Variants in AJAP1 observed in about 807,000 individuals in gnomAD.
AJAP1 encodes the protein adherens junction-associated protein 1.
A neutral mutation model predicts 35.0 loss-of-function variants in AJAP1; 5 were observed. The observed-to-expected ratio is 0.14, with a 90% CI of 0.07 to 0.30. The LOEUF is 0.30. Among genes scored for constraint, AJAP1 ranks in the 10% least tolerant of loss-of-function variants. The pLI, the probability that AJAP1 is intolerant of heterozygous loss-of-function variation, is 1.00. For missense variants in AJAP1, 586 were observed against 571.0 expected, an observed-to-expected ratio of 1.03 and a Z score of -0.27; for synonymous variants, 284 against 249.3, an observed-to-expected ratio of 1.14 and a Z score of -1.31.
At chr1:4,679,374 T>G (rs773346924) in intron 1 of AJAP1, among the ~76,000 whole-genome samples, 1 of 151,636 alleles carries the variant, frequency 6.6e-6, no homozygotes, top group Non-Finnish European at 1.5e-5. Flanking sequence ...AGGAGAAATA[T>G]CTGAGTGATG....
chr1:4,707,443 A>G (rs1303002974), intron 1 of AJAP1, among the ~76,000 whole-genome samples: 1 of 151,930 alleles, frequency 6.6e-6, no homozygotes, highest in African/African-American at 2.4e-5. Flanking sequence ...GCCTTGGGCA[A>G]TTGCTCATCT....
chr1:4,722,321 C>A (rs558831913), intron 2 of AJAP1, among the ~76,000 whole-genome samples: 1 of 152,296 alleles, frequency 6.6e-6, no homozygotes, highest in African/African-American at 2.4e-5. Context: ...AGCGCAGAGG[C>A]GATCCGTGGT....
chr1:4,771,285 G>T (rs914559850), intron 3 of AJAP1, among the ~76,000 whole-genome samples: 1 of 152,198 alleles, frequency 6.6e-6, no homozygotes, highest in African/African-American at 2.4e-5. Flanking sequence ...TCTGACCTTG[G>T]TGTATGGGGT....
chr1:4,753,094 C>T (rs1296335531), intron 2 of AJAP1, among the ~76,000 whole-genome samples: 5 of 152,154 alleles, frequency 3.3e-5, no homozygotes, highest in South Asian at 4.1e-4. Context: ...TCTTTTACGG[C>T]GTTTTATATC....
intron 1 of AJAP1, among the ~76,000 whole-genome samples, chr1:4,672,737 A>G (rs1639276555): frequency 6.6e-6 from 1 of 152,194 alleles, no homozygotes; most frequent in Admixed American, 6.5e-5. Flanking sequence ...CAGAGCTGTG[A>G]GCAGGATGTG....
chr1:4,779,398 C>G (rs12128381), intron 5 of AJAP1, among the ~76,000 whole-genome samples: 1 of 150,366 alleles, frequency 6.7e-6, no homozygotes, highest in African/African-American at 2.5e-5. Context: ...TGCAGTGGCT[C>G]GATCTCAGCT....
intron 2 of AJAP1, among the ~76,000 whole-genome samples, chr1:4,730,973 C>G (rs1640783678): frequency 6.6e-6 from 1 of 152,212 alleles, no homozygotes; most frequent in African/African-American, 2.4e-5. Context: ...GTAAACTCGA[C>G]TCCTTGACTT....
At chr1:4,767,997 G>A (rs1641728051) in intron 2 of AJAP1, among the ~76,000 whole-genome samples, 1 of 152,236 alleles carries the variant, frequency 6.6e-6, no homozygotes, top group African/African-American at 2.4e-5. Context: ...ACACTCCATT[G>A]TTGGTGGGAT....
At chr1:4,778,124 C>T (rs1468053841) in intron 5 of AJAP1, among the ~76,000 whole-genome samples, 1 of 152,218 alleles carries the variant, frequency 6.6e-6, no homozygotes, top group Non-Finnish European at 1.5e-5. Flanking sequence ...GCATGCAGCC[C>T]AGTGGGGCCA....
At chr1:4,770,747 A>G (rs964453919) in intron 3 of AJAP1, among the ~76,000 whole-genome samples, 16 of 152,220 alleles carry the variant, frequency 1.1e-4, no homozygotes, top group Admixed American at 2.0e-4. Context: ...TCACAGGGGA[A>G]CACAAGAAAG....
rs538527668 is a variant in AJAP1, at chr1:4,692,855, A to G, written c.30-19045A>G. Among the ~76,000 whole-genome samples the G allele has an allele frequency of 6.6e-6, 1 of 152,112 alleles. No individual in the cohort carries two copies. Among genetic ancestry groups the G allele is most frequent in the South Asian group, 2.1e-4 (1 of 4,816 alleles). ...GCCCACGAACAGGCATTAAGTGCAC[A>G]TTTTTCCAAGCTCAGCCCTGTGCTC... On this transcript the variant is annotated intron_variant, in intron 1 of 5. Coordinates refer to ENST00000378191, the MANE Select transcript of AJAP1 (RefSeq NM_018836.4). This position sits in a 1 kb window ranked among gnomAD's most constrained non-coding sequence, Gnocchi z 4.4.
In AJAP1 at chr1:4,697,919, C is replaced by G. The variant is rs151020324; in HGVS notation, c.30-13981C>G. Reference sequence around the variant, plus strand: ...GGAGAAGCAAGAGCCAAGGGGACCGCTAAGTCCGCGTTCTGTGCTCTTTTC... The same window carrying G: ...GGAGAAGCAAGAGCCAAGGGGACCGGTAAGTCCGCGTTCTGTGCTCTTTTC... On this transcript the variant is annotated intron_variant, in intron 1 of 5. Coordinates refer to ENST00000378191, the MANE Select transcript of AJAP1 (RefSeq NM_018836.4). 6.6e-3 allele frequency among the ~76,000 whole-genome samples: 1,003 copies of G among 152,356 alleles called. 11 individuals carry two copies. Among genetic ancestry groups the G allele is most frequent in the African/African-American group, 0.023 (944 of 41,590 alleles).
Position 4,790,114 on chromosome 1 carries a change from G to A in AJAP1, c.*7629G>A, listed in dbSNP as rs1349289762. Reference sequence around the variant, plus strand: ...AGAAGGGAGAAAGGGCTTTGCTGAAGTCTCAGGCTGCCGAGAGCCATGTAT... The same window carrying A: ...AGAAGGGAGAAAGGGCTTTGCTGAAATCTCAGGCTGCCGAGAGCCATGTAT... On this transcript the variant is annotated 3_prime_UTR_variant, in exon 6 of 6. Transcript: ENST00000378191. 6.6e-6 allele frequency: 1 copy of A among 152,258 alleles called. No homozygotes were observed. Among genetic ancestry groups the A allele is most frequent in the Admixed American group, 6.5e-5 (1 of 15,290 alleles). 9.4% of individuals were successfully genotyped at this position (152,258 alleles called of 1,614,324 possible). A position where few individuals can be genotyped will look rare whatever the true frequency, so the allele number is the denominator to read the frequency against.
rs750828097 is a variant in AJAP1 at position 4,712,326 on chromosome 1, G to C, written c.456G>C (p.Leu152=). 15 of 1,492,706 alleles carry C rather than the reference G, an allele frequency of 1.0e-5. No individual in the cohort carries two copies. The highest frequency in any genetic ancestry group is 1.2e-5 in the Non-Finnish European group (13 of 1,120,132). The allele number at this position is 1,492,706 out of a possible 1,614,324, so 92.5% of individuals were successfully genotyped here. A position where few individuals can be genotyped will look rare whatever the true frequency, so the allele number is the denominator to read the frequency against. Residue 152 remains leucine (L), a synonymous_variant, in exon 2 of 6, where the codon CTG becomes CTC. Transcript: ENST00000378191. Reference sequence around the variant, plus strand: ...GGGCCCCGGAGCAGCAGGCCCTCCTGAGGAGGGGCAAGAGGCACCTGCAGG... The same window carrying C: ...GGGCCCCGGAGCAGCAGGCCCTCCTCAGGAGGGGCAAGAGGCACCTGCAGG... ...AGGAPEQQAL[L]RRGKRHLQGD...
At chr1:4,729,916 T>G (rs1216589734) in intron 2 of AJAP1, among the ~76,000 whole-genome samples, 1 of 152,214 alleles carries the variant, frequency 6.6e-6, no homozygotes, top group African/African-American at 2.4e-5. Flanking sequence ...CTCAGGCACT[T>G]GCGTGAGGAC....
chr1:4,744,466 C>T (rs1472623345), intron 2 of AJAP1, among the ~76,000 whole-genome samples: 1 of 152,132 alleles, frequency 6.6e-6, no homozygotes, highest in East Asian at 1.9e-4. Flanking sequence ...AGGATGTGGG[C>T]CTGGCTGGGC....
chr1:4,776,244 G>A (rs1641937901), intron 5 of AJAP1, among the ~76,000 whole-genome samples: 1 of 152,132 alleles, frequency 6.6e-6, no homozygotes, highest in South Asian at 2.1e-4. Flanking sequence ...CGAGGCAGTG[G>A]GAGGTTAAAT....
At chr1:4,757,694 A>G (rs1392033725) in intron 2 of AJAP1, among the ~76,000 whole-genome samples, 1 of 152,082 alleles carries the variant, frequency 6.6e-6, no homozygotes, top group Non-Finnish European at 1.5e-5. Context: ...TGTCCTCATC[A>G]CCCTGGTTTG....
At chr1:4,679,000 A>AGCAT (rs1343268436) in intron 1 of AJAP1, among the ~76,000 whole-genome samples, 1 of 152,236 alleles carries the variant, frequency 6.6e-6, no homozygotes, top group East Asian at 1.9e-4. Context: ...AAGGCTACAT[A>AGCAT]GCATGCATTC....
Sources: allele counts gnomAD v4.1 joint callset (sites outside exome capture counted in the v4.1 genomes callset), GRCh38; gene constraint gnomAD v4.1.1; non-coding constraint Gnocchi (gnomAD v3.1); transcripts MANE v1.5; gene names NCBI Gene and HGNC (gene_info 2026-07-23, HGNC 2026-07-21).